The following TMTC1 variants were observed in gnomAD, a reference collection of about 807,000 sequenced individuals.
The protein encoded by TMTC1 is protein O-mannosyl-transferase TMTC1.
A neutral mutation model predicts 104.8 loss-of-function variants in TMTC1; 73 were observed. The observed-to-expected ratio is 0.70, with a 90% CI of 0.58 to 0.85. The LOEUF is 0.85. Among genes scored for constraint, TMTC1 ranks in the 40% least tolerant of loss-of-function variants. The pLI is 0.00. For synonymous variants in TMTC1, 434 were observed against 428.7 expected, an observed-to-expected ratio of 1.01 and a Z score of -0.15; for missense variants, 1,035 against 1,096.1, an observed-to-expected ratio of 0.94 and a Z score of 0.79.
chr12:29,604,136 A>G (rs1443578601), intron 7 of TMTC1, 42 bp downstream of exon 7: 4 of 1,610,036 alleles, frequency 2.5e-6, no homozygotes, highest in Non-Finnish European at 3.4e-6. Flanking sequence ...TGTTGGTGAC[A>G]GAGGGCAGGT....
chr12:29,704,521 T>G (rs747110469), intron 5 of TMTC1, among the ~76,000 whole-genome samples: 2 of 152,218 alleles, frequency 1.3e-5, no homozygotes, highest in African/African-American at 2.4e-5. Flanking sequence ...GTGGGAGAGC[T>G]ACTATGATGA....
intron 12 of TMTC1, 124 bp from the exon 13 acceptor site, chr12:29,518,731 A>G: frequency 8.1e-7 from 1 of 1,236,546 alleles, no homozygotes; most frequent in Non-Finnish European, 1.1e-6. Flanking sequence ...AAATTATTCA[A>G]TATGCAAATT....
chr12:29,549,058 A>C (rs1024708764), intron 10 of TMTC1, among the ~76,000 whole-genome samples: 1 of 146,646 alleles, frequency 6.8e-6, no homozygotes, highest in African/African-American at 2.5e-5. Context: ...AAATAAATAT[A>C]TATTTACCCA....
intron 5 of TMTC1, among the ~76,000 whole-genome samples, chr12:29,645,220 C>G (rs956245903): frequency 6.6e-6 from 1 of 152,164 alleles, no homozygotes; most frequent in African/African-American, 2.4e-5. Context: ...TACTTTTCTA[C>G]AACCCAATAA....
chr12:29,703,875 G>A (rs1451131636), intron 5 of TMTC1, among the ~76,000 whole-genome samples: 4 of 152,108 alleles, frequency 2.6e-5, no homozygotes, highest in African/African-American at 9.7e-5. Context: ...AAGTCTTCTG[G>A]CTTTACTTAG....
At chr12:29,512,463 G>A (rs1305923109) in intron 16 of TMTC1, among the ~76,000 whole-genome samples, 1 of 152,114 alleles carries the variant, frequency 6.6e-6, no homozygotes, top group Admixed American at 6.6e-5. Flanking sequence ...ACTGCAAATG[G>A]AATTGGTAAG....
intron 11 of TMTC1, chr12:29,533,998 T>C (rs1443686737): frequency 6.6e-6 from 1 of 152,152 alleles, no homozygotes; most frequent in African/African-American, 2.4e-5. Flanking sequence ...ATGGTGGCAA[T>C]GGAGGACAAG....
chr12:29,616,906 C>T (rs1165357684), intron 6 of TMTC1, among the ~76,000 whole-genome samples: 1 of 151,960 alleles, frequency 6.6e-6, no homozygotes, highest in Non-Finnish European at 1.5e-5. Flanking sequence ...GGGGTGGATG[C>T]AATGGAAATG....
chr12:29,720,065 G>C (rs1050535499), intron 5 of TMTC1, among the ~76,000 whole-genome samples: 1 of 152,158 alleles, frequency 6.6e-6, no homozygotes, highest in African/African-American at 2.4e-5. Flanking sequence ...AAATGGATCT[G>C]CTGGTGCTCT....
Position 29,536,221 on chromosome 12 carries a change from T to A in TMTC1, c.1773A>T (p.Leu591Phe), listed in dbSNP as rs199877027. 2.5e-6 allele frequency: 4 copies of A among 1,607,294 alleles called. No individual in the cohort carries two copies. Among genetic ancestry groups the A allele is most frequent in the Non-Finnish European group, 3.4e-6 (4 of 1,174,290 alleles). The change falls in exon 11 of 18, where the codon TTA becomes TTT. Residue 591 changes from leucine to phenylalanine, a missense_variant. Physicochemically the swap from Leu to Phe is conservative, Grantham distance 22. Coordinates refer to ENST00000539277, the MANE Select transcript of TMTC1 (RefSeq NM_001193451.2). The stretch of plus-strand genomic sequence containing the variant: ...GTGAAACAATTACCTGCTCAGCCAA[T>A]AACGAAGCTAAGCTTGAATATGCAT... ...FADAYSSLAS[L>F]LAEQERFKEA...
rs118080580 is a variant in TMTC1 at position 29,700,901 on chromosome 12, C to T, written c.938+50765G>A. Among the ~76,000 whole-genome samples, 50 of 152,124 alleles carry T rather than the reference C, an allele frequency of 3.3e-4. 1 individual carries two copies. The East Asian group carries it at 5.4e-3, about 16-fold the overall frequency. On this transcript the variant is annotated intron_variant, in intron 5 of 17. Transcript: ENST00000539277. ...AAAGAAAACTTACATTACTCATTGT[C>T]GTGACAAGAAAGTGATAAATTAGAT...
chr12:29,542,575 C>A (rs1944831198), intron 10 of TMTC1, among the ~76,000 whole-genome samples: 1 of 151,972 alleles, frequency 6.6e-6, no homozygotes, highest in Non-Finnish European at 1.5e-5. Context: ...TGCAGAATGC[C>A]AGGACTGATA....
rs368704740 is a variant in TMTC1 at position 29,521,466 on chromosome 12, A to G, written c.1786-746T>C. Among the ~76,000 whole-genome samples the G allele has an allele frequency of 3.3e-5, 5 of 152,196 alleles. No individual in the cohort carries two copies. The East Asian group carries it at 7.7e-4, about 23-fold the overall frequency. On this transcript the variant is annotated intron_variant, in intron 11 of 17. Transcript: ENST00000539277. ...CCACATCTCTCATTCTAGGGCTCCA[A>G]TTCTAATTGCCCTTGTGTTCTCTTT... is the stretch of plus-strand genomic sequence containing the variant.
At chr12:29,681,903 G>A (rs887706046) in intron 5 of TMTC1, among the ~76,000 whole-genome samples, 12 of 152,164 alleles carry the variant, frequency 7.9e-5, no homozygotes, top group African/African-American at 2.9e-4. Context: ...ACATATGACA[G>A]TAATTGTTGA....
At chr12:29,578,161 T>C (rs1945875768) in intron 8 of TMTC1, among the ~76,000 whole-genome samples, 1 of 151,970 alleles carries the variant, frequency 6.6e-6, no homozygotes, top group Non-Finnish European at 1.5e-5. Flanking sequence ...CATTGTTTCA[T>C]AATGGTAAGA....
chr12:29,520,725 A>T lies in TMTC1; in HGVS notation c.1786-5T>A, dbSNP rs1185120316. ...TTCAGCTTCTTTAAACCGCTCCTTTAAAAAGAAAGAAACAAACAAAATAAG... is the reference window on the plus strand; with the variant it reads ...TTCAGCTTCTTTAAACCGCTCCTTTTAAAAGAAAGAAACAAACAAAATAAG... On this transcript the variant is annotated splice_region_variant and splice_polypyrimidine_tract_variant and intron_variant, in intron 11 of 17. Transcript: ENST00000539277. The T allele has an allele frequency of 6.2e-7, 1 of 1,603,120 alleles. No homozygotes were observed. Among genetic ancestry groups the T allele is most frequent in the Non-Finnish European group, 8.5e-7 (1 of 1,175,444 alleles).
chr12:29,512,675 T>C (rs898533191), intron 16 of TMTC1, among the ~76,000 whole-genome samples: 4 of 152,178 alleles, frequency 2.6e-5, no homozygotes, highest in Non-Finnish European at 4.4e-5. Flanking sequence ...CCCTGCCACA[T>C]GAAAAGTCTT....
At chr12:29,754,980 T>C (rs74373858) in intron 4 of TMTC1, among the ~76,000 whole-genome samples, 125 of 152,332 alleles carry the variant, frequency 8.2e-4, no homozygotes, top group African/African-American at 3.0e-3. Context: ...TTTAAAAGTT[T>C]AAAAGTAAGG....
chr12:29,729,255 T>C (rs1259358158), intron 5 of TMTC1, among the ~76,000 whole-genome samples: 1 of 151,880 alleles, frequency 6.6e-6, no homozygotes, highest in East Asian at 1.9e-4. Flanking sequence ...TTGGAATATC[T>C]GCTAACTCCA....
Sources: gnomAD v4.1 joint callset for allele counts (sites outside exome capture counted in the v4.1 genomes callset) on GRCh38, gnomAD v4.1.1 for gene constraint, MANE v1.5 for transcripts, NCBI Gene and HGNC (gene_info 2026-07-23, HGNC 2026-07-21) for gene names.